The following LPIN3 variants were observed in gnomAD, a reference collection of about 807,000 sequenced individuals.
LPIN3 encodes lipin 3, also known as phosphatidate phosphatase LPIN3.
A neutral mutation model predicts 94.7 loss-of-function variants in LPIN3; 82 were observed. The ratio of observed to expected loss-of-function variants is 0.87; its 90% CI spans 0.72 to 1.04. The LOEUF (loss-of-function observed/expected upper bound fraction) is 1.04. Among genes scored for constraint, LPIN3 ranks in the 50% least tolerant of loss-of-function variants. LPIN3 has a pLI of 0.00. For missense variants in LPIN3, 996 were observed against 1,090.5 expected, an observed-to-expected ratio of 0.91 and a Z score of 1.22; for synonymous variants, 418 against 443.3, an observed-to-expected ratio of 0.94 and a Z score of 0.72.
Position 41,349,895 on chromosome 20 carries a change from G to C in LPIN3, c.759+1G>C. The C allele has an allele frequency of 6.2e-7, 1 of 1,612,252 alleles. No homozygotes were observed. The highest frequency in any genetic ancestry group is 8.5e-7 in the Non-Finnish European group (1 of 1,179,480). On this transcript the variant is annotated splice_donor_variant, in intron 6 of 19. Transcript: ENST00000373257. LOFTEE classifies it high-confidence loss of function. The stretch of plus-strand genomic sequence containing the variant: ...GTGGGCCTGGGGGAGGCTGCCTAAG[G>C]TGAGTCCCTCTGTATCAACCCCAGG...
intron 11 of LPIN3, 88 bp downstream of exon 11, chr20:41,352,955 G>A: frequency 7.0e-7 from 1 of 1,438,316 alleles, no homozygotes; most frequent in Non-Finnish European, 9.8e-7. Flanking sequence ...TGAAGGGTGA[G>A]CAGAGATGGG....
At position 41,348,744 on chromosome 20, in the gene LPIN3, C is replaced by T; in HGVS notation, c.414C>T (p.Ser138=). ...GCCTCGTCATGGCAGGCACGGCCTCCACTGGGCGGAGGAAGAGGCGTCGCA... is the reference window on the plus strand; with the variant it reads ...GCCTCGTCATGGCAGGCACGGCCTCTACTGGGCGGAGGAAGAGGCGTCGCA... ...PEGLVMAGTA[S]TGRRKRRRRR... is the part of the protein sequence containing the mutation. The change falls in exon 4 of 20, where the codon TCC becomes TCT. Residue 138 remains serine (S), a synonymous_variant. Coordinates refer to ENST00000373257, the MANE Select transcript of LPIN3 (RefSeq NM_022896.3). 1 of 1,613,602 alleles carries T rather than the reference C, an allele frequency of 6.2e-7. No homozygotes were observed. The highest frequency in any genetic ancestry group is 1.1e-5 in the South Asian group (1 of 90,984).
Position 41,354,822 on chromosome 20 carries a change from C to T in LPIN3, c.1623C>T (p.Arg541=), listed in dbSNP as rs748929557. The change falls in exon 13 of 20, where the codon CGC becomes CGT. Residue 541 remains arginine, a splice_region_variant and synonymous_variant. Transcript: ENST00000373257. ...WRRRDFLAEE[R]SAQKEKTAAK... The stretch of plus-strand genomic sequence containing the variant: ...ACTAATGGATGTTCTTTCCACAGCG[C>T]AGTGCCCAGAAGGAGAAGACTGCAG... 29 of 1,601,216 alleles carry T rather than the reference C, an allele frequency of 1.8e-5. No homozygotes were observed. The highest frequency in any genetic ancestry group is 2.3e-5 in the Non-Finnish European group (27 of 1,173,736).
intron 2 of LPIN3, 83 bp from the exon 3 acceptor site, chr20:41,347,469 C>G (rs1365786398): frequency 7.6e-7 from 1 of 1,314,524 alleles, no homozygotes; most frequent in Non-Finnish European, 1.1e-6. Context: ...CGGCAAGGAG[C>G]CACTGGAGGA....
chr20:41,357,624 G>A (rs2046259548), intron 16 of LPIN3, among the ~76,000 whole-genome samples, 177 bp downstream of exon 16: 1 of 152,214 alleles, frequency 6.6e-6, no homozygotes, highest in Non-Finnish European at 1.5e-5. Context: ...CATCCCCTGG[G>A]GCTGTGTTCT....
chr20:41,357,637 G>C (rs955295354), intron 16 of LPIN3, among the ~76,000 whole-genome samples, 190 bp downstream of exon 16: 3 of 152,222 alleles, frequency 2.0e-5, no homozygotes, highest in Admixed American at 6.5e-5. Context: ...TGTGTTCTAG[G>C]ATCAGGGCCC....
chr20:41,346,018 G>A lies in LPIN3; in HGVS notation c.192+23G>A, dbSNP rs745357162. 2.5e-6 allele frequency: 4 copies of A among 1,606,312 alleles called. No homozygotes were observed. The South Asian group carries it at 4.5e-5, about 18-fold the overall frequency. On this transcript the variant is annotated intron_variant, in intron 2 of 19. Coordinates refer to ENST00000373257, the MANE Select transcript of LPIN3 (RefSeq NM_022896.3). ...GTGGTGAGTGCTCAGGCTGGCTGAG[G>A]TGGCTACTGCAGAGTGGGCTTTTTA...
rs1337212764 is a variant in LPIN3, at chr20:41,351,091, A to ATT, written c.1102+703_1102+704dup. 5.2e-4 allele frequency among the ~76,000 whole-genome samples: 75 copies of ATT among 142,994 alleles called. 1 individual carries two copies. The highest frequency in any genetic ancestry group is 1.7e-3 in the African/African-American group (65 of 39,024). 93.8% of individuals were successfully genotyped at this position (142,994 alleles called of 152,430 possible). ...AACCCATCTCTACAAAAAAAAAAAA[A>ATT]TTTTTTTTTTAACTAGCCAGGCATG... On this transcript the variant is annotated intron_variant, in intron 7 of 19. Transcript: ENST00000373257.
intron 19 of LPIN3, 90 bp downstream of exon 19, chr20:41,358,632 G>C (rs2046302311): frequency 6.2e-7 from 1 of 1,603,618 alleles, no homozygotes. Flanking sequence ...TCTTACCGGG[G>C]AGTCTGTCCC....
rs774444939 is a variant in LPIN3, at chr20:41,358,506, A to C, written c.2375A>C (p.Glu792Ala). Residue 792 changes from glutamate (E) to alanine (A), a missense_variant, in exon 19 of 20, where the codon GAG becomes GCG. By Grantham distance (107) the Glu-to-Ala change is moderately radical (BLOSUM62 -1). Transcript: ENST00000373257. ...SRIFTVNPRG[E>A]LIQELIKNHK... ...ATCTTCACAGTCAACCCCCGGGGAG[A>C]GCTCATCCAGGAGCTCATAAAGAAC... 2 of 1,613,856 alleles carry C rather than the reference A, an allele frequency of 1.2e-6. No individual in the cohort carries two copies. The highest frequency in any genetic ancestry group is 8.5e-7 in the Non-Finnish European group (1 of 1,179,956).
At chr20:41,356,972 G>T in intron 14 of LPIN3, 68 bp from the exon 15 acceptor site, 1 of 1,572,320 alleles carries the variant, frequency 6.4e-7, no homozygotes, top group Non-Finnish European at 8.7e-7. Flanking sequence ...AGGCCACGGC[G>T]TAAGGGGAGA....
Position 41,357,091 on chromosome 20 carries a change from A to T in LPIN3, c.1855A>T (p.Thr619Ser). 1 of 1,613,904 alleles carries T rather than the reference A, an allele frequency of 6.2e-7. No individual in the cohort carries two copies. The highest frequency in any genetic ancestry group is 1.7e-5 in the Admixed American group (1 of 60,012). ...CAATGATGTGGTCTTCAGCGTGACC[A>T]CTCAGTACCAGGGCACCTGCCGCTG... ...GANDVVFSVTTQYQGTCRCKA... is the reference protein window; with the variant it reads ...GANDVVFSVTSQYQGTCRCKA... Residue 619 changes from threonine to serine, a missense_variant, in exon 15 of 20, where the codon ACT (threonine) becomes TCT (serine). Thr to Ser is a moderately conservative substitution (Grantham distance 58, BLOSUM62 1). Coordinates refer to ENST00000373257, the MANE Select transcript of LPIN3 (RefSeq NM_022896.3).
At chr20:41,347,520 C>T (rs1267457270) in intron 2 of LPIN3, 32 bp from the exon 3 acceptor site, 2 of 1,604,270 alleles carry the variant, frequency 1.2e-6, no homozygotes, top group East Asian at 4.5e-5. Flanking sequence ...GGCGTGAAGG[C>T]CCATGTCCCT....
intron 5 of LPIN3, 35 bp from the exon 6 acceptor site, chr20:41,349,739 G>A: frequency 5.0e-6 from 8 of 1,586,704 alleles, no homozygotes; most frequent in Non-Finnish European, 6.9e-6. Context: ...GGGATGGGTA[G>A]GCAGGCTCAA....
At chr20:41,358,570 A>G in intron 19 of LPIN3, 28 bp downstream of exon 19, 3 of 1,611,622 alleles carry the variant, frequency 1.9e-6, no homozygotes, top group Non-Finnish European at 2.5e-6. Context: ...CATGTTCCCC[A>G]TGCCCTACCA....
rs867976103 is a variant in LPIN3 at position 41,349,731 on chromosome 20, G to A, written c.639-43G>A. The A allele has an allele frequency of 1.3e-5, 20 of 1,578,548 alleles. No individual in the cohort carries two copies. The African/African-American group carries it at 1.9e-4, about 15-fold the overall frequency. On this transcript the variant is annotated intron_variant, in intron 5 of 19. Coordinates refer to ENST00000373257, the MANE Select transcript of LPIN3 (RefSeq NM_022896.3). ...CCTGGCTGGGGTGGGCAGCAGCGGG[G>A]ATGGGTAGGCAGGCTCAAGGCCTCT...
chr20:41,348,976 T>C, intron 4 of LPIN3, 89 bp downstream of exon 4: 2 of 1,578,124 alleles, frequency 1.3e-6, no homozygotes, highest in Non-Finnish European at 1.7e-6. Context: ...GGCAAGGGCC[T>C]TGACCTCTCT....
Position 41,358,925 on chromosome 20 carries a change from G to A in LPIN3, c.*59G>A, listed in dbSNP as rs1600748766. The A allele has an allele frequency of 6.3e-7, 1 of 1,579,326 alleles. No homozygotes were observed. The highest frequency in any genetic ancestry group is 8.6e-7 in the Non-Finnish European group (1 of 1,162,632). On this transcript the variant is annotated 3_prime_UTR_variant, in exon 20 of 20. Coordinates refer to ENST00000373257, the MANE Select transcript of LPIN3 (RefSeq NM_022896.3). ...GCCCAGGACTGGCTAGGTGTCCTGGGGTATAGGAGGGTGGGAATTGGAGTG... is the reference window on the plus strand; with the variant it reads ...GCCCAGGACTGGCTAGGTGTCCTGGAGTATAGGAGGGTGGGAATTGGAGTG...
At chr20:41,356,871 T>A (rs1271392669) in intron 14 of LPIN3, among the ~76,000 whole-genome samples, 169 bp from the exon 15 acceptor site, 2 of 152,160 alleles carry the variant, frequency 1.3e-5, no homozygotes, top group East Asian at 3.8e-4. Context: ...TCTGCCCACA[T>A]GGATGTGTCT....
Sources: gnomAD v4.1 joint callset for allele counts (sites outside exome capture counted in the v4.1 genomes callset) on GRCh38, gnomAD v4.1.1 for gene constraint, MANE v1.5 for transcripts, NCBI Gene and HGNC (gene_info 2026-07-23, HGNC 2026-07-21) for gene names.